DBF4B: variants seen among roughly 807,000 people sequenced by gnomAD.
DBF4B encodes the protein DBF4B-CDC7 kinase regulatory subunit, also known as protein DBF4 homolog B.
Under a neutral mutation model 53.4 loss-of-function variants are expected in DBF4B, and 49 were observed. The ratio of observed to expected loss-of-function variants is 0.92; its 90% CI spans 0.73 to 1.16. The LOEUF is 1.16. Ranked by LOEUF, DBF4B falls within the 50% of genes most tolerant of loss-of-function variation. The probability of loss-of-function intolerance (pLI) is 0.00; values close to 1 mark genes in which losing one functional copy is unlikely to be tolerated. For missense variants in DBF4B, 692 were observed against 775.0 expected (o/e 0.89, Z 1.27); for synonymous variants, 257 against 288.7 (o/e 0.89, Z 1.11).
In DBF4B at chr17:44,747,393, T is replaced by A. The variant is rs1366091009; in HGVS notation, c.942T>A (p.His314Gln). Reference sequence around the variant, plus strand: ...GTGCTCCTCTCCCCCGCCGGCAGCATCTTCAGAGTGCCCAGCACCGGAGCT... The same window carrying A: ...GTGCTCCTCTCCCCCGCCGGCAGCAACTTCAGAGTGCCCAGCACCGGAGCT... ...CQEAFEELHV[H>Q]LQSAQHRSFA... Residue 314 changes from histidine (H) to glutamine (Q), a missense_variant and splice_region_variant, in exon 12 of 14, where the codon CAT (histidine) becomes CAA (glutamine). Coordinates refer to ENST00000315005, the MANE Select transcript of DBF4B (RefSeq NM_145663.3). 1 of 1,613,630 alleles carries A rather than the reference T, an allele frequency of 6.2e-7. No homozygotes were observed. Among genetic ancestry groups the A allele is most frequent in the Admixed American group, 1.7e-5 (1 of 59,994 alleles).
chr17:44,751,449 A>G lies in DBF4B; in HGVS notation c.*196A>G. On this transcript the variant is annotated 3_prime_UTR_variant, in exon 14 of 14. Coordinates refer to ENST00000315005, the MANE Select transcript of DBF4B (RefSeq NM_145663.3). ...TTATCTTGCAGTCAGTCCCTTTTCA[A>G]CATGTTGCCGTTTCTTTCTGAAGAG... is the stretch of plus-strand genomic sequence containing the variant. 2.1e-6 allele frequency: 3 copies of G among 1,415,316 alleles called. No individual in the cohort carries two copies. The highest frequency in any genetic ancestry group is 2.8e-6 in the Non-Finnish European group (3 of 1,090,688). The allele number at this position is 1,415,316 out of a possible 1,614,324, so 87.7% of individuals were successfully genotyped here. A position where few individuals can be genotyped will look rare whatever the true frequency, so the allele number is the denominator to read the frequency against.
Position 44,749,404 on chromosome 17 carries a change from C to T in DBF4B, c.1189+939C>T. On this transcript the variant is annotated intron_variant, in intron 13 of 13. Coordinates refer to ENST00000315005, the MANE Select transcript of DBF4B (RefSeq NM_145663.3). The surrounding 1 kb of genome is among the most constrained non-coding windows in gnomAD (Gnocchi z 4.4). ...TTACTCCTCTGCTGGGTGCTGCACA[C>T]CCGGCCAGGGCTGACCAGGACGCAG... 7.8e-7 allele frequency: 1 copy of T among 1,289,454 alleles called. No homozygotes were observed. The highest frequency in any genetic ancestry group is 1.0e-6 in the Non-Finnish European group (1 of 988,856). 79.9% of individuals were successfully genotyped at this position (1,289,454 alleles called of 1,614,324 possible). A position where few individuals can be genotyped will look rare whatever the true frequency, so the allele number is the denominator to read the frequency against.
intron 9 of DBF4B, among the ~76,000 whole-genome samples, chr17:44,740,423 A>G (rs995763530): frequency 3.3e-5 from 5 of 152,136 alleles, no homozygotes; most frequent in African/African-American, 1.2e-4. Context: ...AATCTCTTAA[A>G]TGTTTGCAAC....
Position 44,708,745 on chromosome 17 carries a change from A to C in DBF4B, c.-76A>C, listed in dbSNP as rs1972589848. The C allele has an allele frequency of 2.6e-6, 4 of 1,512,382 alleles. No homozygotes were observed. The highest frequency in any genetic ancestry group is 1.7e-4 in the Middle Eastern group (1 of 5,794). The allele number at this position is 1,512,382 out of a possible 1,614,324, so 93.7% of individuals were successfully genotyped here. A position where few individuals can be genotyped will look rare whatever the true frequency, so the allele number is the denominator to read the frequency against. ...TAACCAGGACTGTGGAATCGGGAAG[A>C]GCTCATGGAGCTCGCGAATGTAATA... is the stretch of plus-strand genomic sequence containing the variant. On this transcript the variant is annotated 5_prime_UTR_variant, in exon 1 of 14. Coordinates refer to ENST00000315005, the MANE Select transcript of DBF4B (RefSeq NM_145663.3).
intron 13 of DBF4B, chr17:44,750,206 A>T (rs2049245325): frequency 4.0e-6 from 4 of 1,000,756 alleles, no homozygotes; most frequent in South Asian, 9.0e-5. Flanking sequence ...CAGCCAAGCC[A>T]TTAATCTGGA....
chr17:44,750,570 T>C (rs778869695), intron 13 of DBF4B, 25 bp from the exon 14 acceptor site: 32 of 1,579,676 alleles, frequency 2.0e-5, no homozygotes, highest in Non-Finnish European at 2.6e-5. Flanking sequence ...GAATGCCATA[T>C]GTCGGTCCTT....
At chr17:44,725,659 A>G (rs1598794300) in intron 3 of DBF4B, among the ~76,000 whole-genome samples, 1 of 109,534 alleles carries the variant, frequency 9.1e-6, no homozygotes, top group Non-Finnish European at 2.0e-5. Flanking sequence ...TTCTGCCTCC[A>G]TCCTGCCTTT....
intron 5 of DBF4B, 156 bp downstream of exon 5, chr17:44,731,171 G>T (rs1974802217): frequency 1.2e-6 from 1 of 825,496 alleles, no homozygotes; most frequent in Admixed American, 2.2e-5. Flanking sequence ...GGTAGTGGAG[G>T]CTCAGACAAG....
chr17:44,718,422 C>CAAA (rs910495325), intron 2 of DBF4B, among the ~76,000 whole-genome samples: 1 of 102,206 alleles, frequency 9.8e-6, no homozygotes, highest in Non-Finnish European at 2.1e-5. Context: ...GACTCTATCT[C>CAAA]AAAAAAAAAA....
intron 10 of DBF4B, among the ~76,000 whole-genome samples, chr17:44,744,097 G>GCA (rs1976372311): frequency 4.6e-5 from 1 of 21,970 alleles, no homozygotes; most frequent in Non-Finnish European, 8.0e-5. Flanking sequence ...CCCCCCCCCC[G>GCA]CCCATCTCTA....
chr17:44,721,848 A>G (rs1013858062), intron 2 of DBF4B, among the ~76,000 whole-genome samples: 2 of 151,152 alleles, frequency 1.3e-5, no homozygotes, highest in African/African-American at 4.9e-5. Flanking sequence ...AGAGGAAACA[A>G]CCCTGGCCAG....
chr17:44,709,135 G>A (rs1372318152), intron 1 of DBF4B, among the ~76,000 whole-genome samples, 169 bp from the exon 2 acceptor site: 2 of 152,146 alleles, frequency 1.3e-5, no homozygotes, highest in Non-Finnish European at 2.9e-5. Flanking sequence ...AGGGCATGAG[G>A]GGCAAGAGCC....
intron 4 of DBF4B, 100 bp from the exon 5 acceptor site, chr17:44,730,865 C>T (rs1176023669): frequency 2.4e-6 from 3 of 1,240,846 alleles, no homozygotes; most frequent in East Asian, 4.8e-5. Context: ...TTCCGAGGGA[C>T]ATAACCCCAA....
At position 44,750,729 on chromosome 17, in the gene DBF4B, G is replaced by A; in HGVS notation, c.1324G>A (p.Gly442Ser). ...PALPKGSREQ[G>S]CLCPCPASFT... Reference sequence around the variant, plus strand: ...CTTGCCCAAGGGCTCCAGGGAGCAGGGCTGCCTCTGTCCCTGCCCAGCCTC... The same window carrying A: ...CTTGCCCAAGGGCTCCAGGGAGCAGAGCTGCCTCTGTCCCTGCCCAGCCTC... Residue 442 changes from glycine to serine, a missense_variant, in exon 14 of 14, where the codon GGC (glycine) becomes AGC (serine). Gly to Ser is a moderately conservative substitution (Grantham distance 56, BLOSUM62 0). This residue lies in a region of DBF4B where 597 missense variants were observed against 665.8 expected (regional missense o/e 0.90). Transcript: ENST00000315005. 1.9e-6 allele frequency: 3 copies of A among 1,614,108 alleles called. No homozygotes were observed. The highest frequency in any genetic ancestry group is 1.7e-6 in the Non-Finnish European group (2 of 1,180,024).
Position 44,711,434 on chromosome 17 carries a change from C to T in DBF4B, c.82+2068C>T, listed in dbSNP as rs566070082. Among the ~76,000 whole-genome samples, 7 of 152,258 alleles carry T rather than the reference C, an allele frequency of 4.6e-5. No individual in the cohort carries two copies. The East Asian group carries it at 1.4e-3, about 29-fold the overall frequency. ...CAAGCAATTCTCCTGCCTCAGTCTC[C>T]CAATCTCCTGCCTCAGTCTCCCAAG... On this transcript the variant is annotated intron_variant, in intron 2 of 13. Transcript: ENST00000315005.
intron 2 of DBF4B, among the ~76,000 whole-genome samples, chr17:44,714,535 A>C (rs556059643): frequency 1.3e-5 from 2 of 152,054 alleles, no homozygotes; most frequent in African/African-American, 4.8e-5. Context: ...TCTACCCCTT[A>C]CTAACAGTAT....
intron 3 of DBF4B, among the ~76,000 whole-genome samples, chr17:44,724,839 G>A (rs929406287): frequency 6.6e-6 from 1 of 151,988 alleles, no homozygotes. Context: ...TATAGCTGCC[G>A]GGCACGGTGG....
intron 10 of DBF4B, among the ~76,000 whole-genome samples, chr17:44,746,511 C>A (rs1266148644): frequency 1.3e-5 from 2 of 152,228 alleles, no homozygotes; most frequent in East Asian, 1.9e-4. Flanking sequence ...CCCATCTTCA[C>A]CTGTCGTTTA....
intron 10 of DBF4B, among the ~76,000 whole-genome samples, chr17:44,743,141 G>A (rs1050526469): frequency 1.3e-5 from 2 of 152,240 alleles, no homozygotes; most frequent in Non-Finnish European, 2.9e-5. Context: ...CAGGCTTGGC[G>A]CTGGCAGTGA....
Sources: allele counts gnomAD v4.1 joint callset (sites outside exome capture counted in the v4.1 genomes callset), GRCh38; gene constraint gnomAD v4.1.1; regional missense constraint gnomAD v4.1.1; non-coding constraint Gnocchi (gnomAD v3.1); transcripts MANE v1.5; gene names NCBI Gene and HGNC (gene_info 2026-07-23, HGNC 2026-07-21).